PARPBP: variants seen among roughly 807,000 people sequenced by gnomAD.
PARPBP encodes PCNA-interacting partner.
PARPBP carries 52 observed loss-of-function variants against 50.0 expected under a neutral mutation model. The ratio of observed to expected loss-of-function variants is 1.04; its 90% CI spans 0.83 to 1.31. The LOEUF is 1.31. Among genes scored for constraint, PARPBP ranks in the 50% most tolerant of loss-of-function variants. The pLI is 0.00. For missense variants in PARPBP, 697 were observed against 672.0 expected, an observed-to-expected ratio of 1.04 and a Z score of -0.41; for synonymous variants, 244 against 232.1, an observed-to-expected ratio of 1.05 and a Z score of -0.47.
intron 4 of PARPBP, among the ~76,000 whole-genome samples, chr12:102,163,081 A>G (rs2139523520): frequency 6.6e-6 from 1 of 152,322 alleles, no homozygotes; most frequent in East Asian, 1.9e-4. Flanking sequence ...TGGATGACCA[A>G]TTGCTCCAAC....
chr12:102,154,735 C>T, intron 4 of PARPBP: 1 of 394,898 alleles, frequency 2.5e-6, no homozygotes, highest in Non-Finnish European at 4.9e-6. Context: ...GTTTCTTTGC[C>T]ATATTTTGAA....
At chr12:102,179,290 C>T (rs1889598113) in intron 8 of PARPBP, among the ~76,000 whole-genome samples, 1 of 152,202 alleles carries the variant, frequency 6.6e-6, no homozygotes, top group Non-Finnish European at 1.5e-5. Flanking sequence ...CAAACTTACA[C>T]TGGAATTGAC....
chr12:102,142,900 C>T (rs1884834241), intron 2 of PARPBP, among the ~76,000 whole-genome samples: 1 of 152,254 alleles, frequency 6.6e-6, no homozygotes, highest in African/African-American at 2.4e-5. Flanking sequence ...CAGTCGGCCC[C>T]TACTGGGAGG....
chr12:102,129,742 C>A (rs1335929203), intron 2 of PARPBP, among the ~76,000 whole-genome samples: 1 of 152,078 alleles, frequency 6.6e-6, no homozygotes, highest in East Asian at 1.9e-4. Flanking sequence ...GACTGTATTT[C>A]CAGGTATTTT....
chr12:102,133,375 TG>T (rs1343151586), intron 2 of PARPBP, among the ~76,000 whole-genome samples: 19 of 150,672 alleles, frequency 1.3e-4, no homozygotes, highest in African/African-American at 2.9e-4. Flanking sequence ...TTTTGTCAGA[TG>T]TTTTTTTCTG....
chr12:102,190,142 T>C lies in PARPBP; in HGVS notation c.1264-5170T>C, dbSNP rs114083588. On this transcript the variant is annotated intron_variant, in intron 9 of 10. Coordinates refer to ENST00000327680, the MANE Select transcript of PARPBP (RefSeq NM_017915.5). The stretch of plus-strand genomic sequence containing the variant: ...TTTTTATGGGGTACATGTGGTATTT[T>C]GATACAAGCATACAATTATCGTGTG... Among the ~76,000 whole-genome samples the C allele has an allele frequency of 3.7e-3, 558 of 152,328 alleles. 2 individuals are homozygous for C. Among genetic ancestry groups the C allele is most frequent in the African/African-American group, 0.013 (524 of 41,572 alleles).
chr12:102,177,834 C>G (rs1889428658), intron 7 of PARPBP, among the ~76,000 whole-genome samples: 1 of 152,138 alleles, frequency 6.6e-6, no homozygotes, highest in East Asian at 1.9e-4. Context: ...CATACCACTT[C>G]CTCCCTTTTA....
Sources: allele counts gnomAD v4.1 joint callset (sites outside exome capture counted in the v4.1 genomes callset), GRCh38; gene constraint gnomAD v4.1.1; transcripts MANE v1.5; gene names NCBI Gene and HGNC (gene_info 2026-07-23, HGNC 2026-07-21).